Variants in CNTNAP5 observed in about 807,000 individuals in gnomAD.
CNTNAP5 encodes contactin-associated protein-like 5.
A neutral mutation model predicts 150.2 loss-of-function variants in CNTNAP5; 72 were observed. That is an observed-to-expected ratio of 0.48 (90% confidence interval 0.40 to 0.58). The LOEUF (loss-of-function observed/expected upper bound fraction) is 0.58, where lower values mean the gene tolerates loss of function less well. Among genes scored for constraint, CNTNAP5 ranks in the 20% least tolerant of loss-of-function variants. CNTNAP5 has a pLI of 0.00. For missense variants in CNTNAP5, 1,636 were observed against 1,626.2 expected (o/e 1.01, Z -0.10); for synonymous variants, 672 against 619.8 (o/e 1.08, Z -1.25).
At chr2:124,421,542 C>G (rs1692103679) in intron 4 of CNTNAP5, among the ~76,000 whole-genome samples, 1 of 152,178 alleles carries the variant, frequency 6.6e-6, no homozygotes, top group African/African-American at 2.4e-5. Context: ...TGAGTAGAAG[C>G]CTCTGTCAGT....
At chr2:124,574,193 C>CG (rs1288570471) in intron 11 of CNTNAP5, among the ~76,000 whole-genome samples, 2 of 151,844 alleles carry the variant, frequency 1.3e-5, no homozygotes, top group Non-Finnish European at 2.9e-5. Context: ...TGGCAGGTTG[C>CG]GGGGGGGACG....
intron 1 of CNTNAP5, among the ~76,000 whole-genome samples, chr2:124,137,826 C>A (rs1187198015): frequency 6.6e-6 from 1 of 151,512 alleles, no homozygotes; most frequent in South Asian, 2.1e-4. Context: ...ATGCAGAGGG[C>A]CATGAGCCTA....
intron 1 of CNTNAP5, among the ~76,000 whole-genome samples, chr2:124,145,788 G>A (rs1684224969): frequency 2.6e-5 from 1 of 38,834 alleles, no homozygotes; most frequent in Non-Finnish European, 4.6e-5. Flanking sequence ...AAAACTTAAA[G>A]TATAATAAAA....
intron 17 of CNTNAP5, among the ~76,000 whole-genome samples, chr2:124,786,168 A>G (rs1681563310): frequency 6.6e-6 from 1 of 151,724 alleles, no homozygotes; most frequent in Non-Finnish European, 1.5e-5. Context: ...AGGCTGAGGC[A>G]GGAGGATCGC....
chr2:124,781,220 C>T (rs1681444115), intron 17 of CNTNAP5, among the ~76,000 whole-genome samples: 1 of 152,108 alleles, frequency 6.6e-6, no homozygotes, highest in Admixed American at 6.5e-5. Flanking sequence ...AAATAAGATC[C>T]ATTCACTCTT....
chr2:124,906,970 A>G (rs116829399), intron 22 of CNTNAP5, among the ~76,000 whole-genome samples: 86 of 152,270 alleles, frequency 5.6e-4, no homozygotes, highest in African/African-American at 1.9e-3. Flanking sequence ...AAAGTCCCTA[A>G]TTTTAGAAAT....
At chr2:124,702,822 A>T (rs1223418609) in intron 13 of CNTNAP5, among the ~76,000 whole-genome samples, 1 of 152,114 alleles carries the variant, frequency 6.6e-6, no homozygotes, top group East Asian at 1.9e-4. Flanking sequence ...GGACACAGTT[A>T]AAGGATTTAT....
At chr2:124,113,487 A>T (rs567685248) in intron 1 of CNTNAP5, among the ~76,000 whole-genome samples, 7 of 147,256 alleles carry the variant, frequency 4.8e-5, no homozygotes, top group Non-Finnish European at 4.5e-5. Context: ...GTATATATCT[A>T]TTCAACTGAT....
chr2:124,423,976 T>C (rs1692182841), intron 4 of CNTNAP5, among the ~76,000 whole-genome samples: 1 of 152,194 alleles, frequency 6.6e-6, no homozygotes, highest in Non-Finnish European at 1.5e-5. Flanking sequence ...GCTAATTAAC[T>C]TTAAAAAACA....
intron 13 of CNTNAP5, among the ~76,000 whole-genome samples, chr2:124,721,814 T>G (rs1468797885): frequency 6.6e-6 from 1 of 152,124 alleles, no homozygotes; most frequent in African/African-American, 2.4e-5. Flanking sequence ...TGCCACAGAT[T>G]GAGTGGCTTA....
intron 1 of CNTNAP5, among the ~76,000 whole-genome samples, chr2:124,162,921 C>T (rs1684720442): frequency 6.6e-6 from 1 of 151,996 alleles, no homozygotes; most frequent in Admixed American, 6.6e-5. Flanking sequence ...GTAGAAATTC[C>T]AAAGACAGAC....
At chr2:124,549,879 A>G (rs1227271468) in intron 10 of CNTNAP5, among the ~76,000 whole-genome samples, 2 of 152,226 alleles carry the variant, frequency 1.3e-5, no homozygotes, top group Non-Finnish European at 2.9e-5. Context: ...CAGTGGAAAG[A>G]GCTTGTAGCA....
At chr2:124,898,654 C>T (rs1180297868) in intron 21 of CNTNAP5, among the ~76,000 whole-genome samples, 2 of 151,642 alleles carry the variant, frequency 1.3e-5, no homozygotes, top group Non-Finnish European at 2.9e-5. Flanking sequence ...AATTTGAGTG[C>T]TACATTTGTT....
intron 13 of CNTNAP5, among the ~76,000 whole-genome samples, chr2:124,707,035 G>C (rs1263694187): frequency 3.0e-5 from 4 of 132,430 alleles, no homozygotes; most frequent in South Asian, 2.6e-4. Context: ...AGAAGAAGAA[G>C]AAGAAGGAGG....
intron 3 of CNTNAP5, among the ~76,000 whole-genome samples, chr2:124,339,974 G>GA (rs1303391744): frequency 6.6e-6 from 1 of 152,080 alleles, no homozygotes; most frequent in Non-Finnish European, 1.5e-5. Flanking sequence ...ATTTGCAATA[G>GA]AGATGTTATC....
intron 11 of CNTNAP5, among the ~76,000 whole-genome samples, chr2:124,601,155 G>C (rs1696976648): frequency 6.6e-6 from 1 of 152,102 alleles, no homozygotes; most frequent in South Asian, 2.1e-4. Flanking sequence ...AAAACTGAGA[G>C]AAAACATGTA....
At chr2:124,705,166 A>G (rs1033294154) in intron 13 of CNTNAP5, among the ~76,000 whole-genome samples, 7 of 152,180 alleles carry the variant, frequency 4.6e-5, no homozygotes, top group African/African-American at 1.7e-4. Context: ...GTACAAGCAC[A>G]TGTGTCTGTG....
At chr2:124,757,458 T>C (rs1680863458) in intron 14 of CNTNAP5, among the ~76,000 whole-genome samples, 1 of 152,146 alleles carries the variant, frequency 6.6e-6, no homozygotes, top group Non-Finnish European at 1.5e-5. Context: ...AACACCAGCT[T>C]CCACTCTTGA....
intron 1 of CNTNAP5, among the ~76,000 whole-genome samples, chr2:124,115,169 C>T (rs1558761136): frequency 1.3e-5 from 2 of 151,934 alleles, no homozygotes; most frequent in East Asian, 1.9e-4. Flanking sequence ...TTAAGGATGA[C>T]ATATATAGAA....
Sources: gnomAD v4.1 joint callset for allele counts (sites outside exome capture counted in the v4.1 genomes callset) on GRCh38, gnomAD v4.1.1 for gene constraint, MANE v1.5 for transcripts, NCBI Gene and HGNC (gene_info 2026-07-23, HGNC 2026-07-21) for gene names.